The following LEMD3 variants were observed in gnomAD, a reference collection of about 807,000 sequenced individuals.
The protein encoded by LEMD3 is inner nuclear membrane protein Man1.
Under a neutral mutation model 95.2 loss-of-function variants are expected in LEMD3, and 33 were observed. The ratio of observed to expected loss-of-function variants is 0.35; its 90% CI spans 0.26 to 0.46. LEMD3 has a LOEUF of 0.46. Among genes scored for constraint, LEMD3 ranks in the 20% least tolerant of loss-of-function variants. The pLI, the probability that LEMD3 is intolerant of heterozygous loss-of-function variation, is 1.00. For missense variants in LEMD3, 1,210 were observed against 1,192.8 expected (o/e 1.01, Z -0.21); for synonymous variants, 525 against 474.6 (o/e 1.11, Z -1.38).
chr12:65,183,394 G>A (rs909735842), intron 1 of LEMD3, among the ~76,000 whole-genome samples: 1 of 152,134 alleles, frequency 6.6e-6, no homozygotes, highest in African/African-American at 2.4e-5. Context: ...GTTGGGTAGT[G>A]CAAGTCTGGA....
intron 1 of LEMD3, among the ~76,000 whole-genome samples, chr12:65,206,774 A>G (rs964236066): frequency 9.2e-5 from 14 of 152,286 alleles, no homozygotes; most frequent in African/African-American, 3.1e-4. Context: ...AGAGAAAATA[A>G]TGTATTTTCC....
intron 9 of LEMD3, 132 bp from the exon 10 acceptor site, chr12:65,243,256 C>T (rs1870988048): frequency 1.5e-6 from 1 of 678,366 alleles, no homozygotes; most frequent in Non-Finnish European, 2.7e-6. Context: ...TCTTACTCAC[C>T]TTAACATCTA....
At chr12:65,216,263 T>TAA (rs1319263097) in intron 3 of LEMD3, among the ~76,000 whole-genome samples, 3 of 151,770 alleles carry the variant, frequency 2.0e-5, no homozygotes, top group African/African-American at 4.8e-5. Flanking sequence ...TATATATATA[T>TAA]AATATAGTTA....
chr12:65,211,598 C>G (rs1229967468), intron 2 of LEMD3, among the ~76,000 whole-genome samples: 1 of 151,908 alleles, frequency 6.6e-6, no homozygotes, highest in Non-Finnish European at 1.5e-5. Flanking sequence ...GTTATATAGA[C>G]CTGTATAGAA....
At chr12:65,215,459 T>A (rs1417178315) in intron 2 of LEMD3, among the ~76,000 whole-genome samples, 1 of 152,210 alleles carries the variant, frequency 6.6e-6, no homozygotes, top group Non-Finnish European at 1.5e-5. Flanking sequence ...TCCTAGTAGA[T>A]GTTTATTTAA....
intron 1 of LEMD3, among the ~76,000 whole-genome samples, chr12:65,186,388 A>T (rs1341439721): frequency 2.6e-5 from 4 of 152,108 alleles, no homozygotes; most frequent in African/African-American, 9.6e-5. Context: ...GTTGAACTTA[A>T]TACAAAATAG....
At chr12:65,230,318 A>G (rs985974063) in intron 4 of LEMD3, among the ~76,000 whole-genome samples, 2 of 152,114 alleles carry the variant, frequency 1.3e-5, no homozygotes, top group Non-Finnish European at 2.9e-5. Context: ...GTTTTCTTCT[A>G]CTTATGTGAA....
At position 65,218,605 on chromosome 12, in the gene LEMD3, G is replaced by A; in HGVS notation, c.1681G>A (p.Ala561Thr). 6.2e-7 allele frequency: 1 copy of A among 1,600,920 alleles called. No homozygotes were observed. Reference sequence around the variant, plus strand: ...AAGAACGCTTTCTGTTCAAGAGGCAGCTGCGTATTTAAAAGTAAGCAATGA... The same window carrying A: ...AAGAACGCTTTCTGTTCAAGAGGCAACTGCGTATTTAAAAGTAAGCAATGA... Reference protein sequence around the residue: ...SQRTLSVQEAAAYLKDLGPEY... With the variant: ...SQRTLSVQEATAYLKDLGPEY... Residue 561 changes from alanine to threonine, a missense_variant, in exon 4 of 13, where the codon GCT (alanine) becomes ACT (threonine). Around this residue, in one of 2 missense-constraint regions of LEMD3, gnomAD observed 461 missense variants for 569.8 expected, o/e 0.81. Coordinates refer to ENST00000308330, the MANE Select transcript of LEMD3 (RefSeq NM_014319.5).
At chr12:65,173,200 A>G (rs1868610072) in intron 1 of LEMD3, among the ~76,000 whole-genome samples, 1 of 152,180 alleles carries the variant, frequency 6.6e-6, no homozygotes, top group African/African-American at 2.4e-5. Context: ...CTTTATTATG[A>G]TTAAGAAAGT....
intron 1 of LEMD3, among the ~76,000 whole-genome samples, chr12:65,181,651 G>A (rs1274643227): frequency 6.6e-6 from 1 of 152,106 alleles, no homozygotes; most frequent in African/African-American, 2.4e-5. Flanking sequence ...GAAGTAATGT[G>A]TGTTGATCAT....
At position 65,246,233 on chromosome 12, in the gene LEMD3, A is replaced by C; in HGVS notation, c.2644A>C (p.Asn882His). 6.2e-7 allele frequency: 1 copy of C among 1,613,146 alleles called. No homozygotes were observed. The change falls in exon 13 of 13, where the codon AAC becomes CAC. Residue 882 changes from asparagine (N) to histidine (H), a missense_variant. By Grantham distance (68) the Asn-to-His change is moderately conservative (BLOSUM62 1). This residue lies in a region of LEMD3 where 461 missense variants were observed against 569.8 expected (regional missense o/e 0.81). Transcript: ENST00000308330. ...TCGCTTTCCCCAGGCTCTCACTTCC[A>C]ACACTCCATTGAAGCCATCAAATAA... ...HHRFPQALTS[N>H]TPLKPSNKHM...
intron 9 of LEMD3, among the ~76,000 whole-genome samples, chr12:65,242,131 T>G (rs1411085331): frequency 1.3e-5 from 2 of 152,248 alleles, no homozygotes; most frequent in African/African-American, 4.8e-5. Flanking sequence ...AGAGAATTCC[T>G]TATTTTACTT....
intron 1 of LEMD3, among the ~76,000 whole-genome samples, chr12:65,194,361 T>C (rs1332069923): frequency 6.6e-6 from 1 of 152,172 alleles, no homozygotes; most frequent in African/African-American, 2.4e-5. Flanking sequence ...ACTGGAGTTT[T>C]ATTACTTCTC....
chr12:65,210,979 T>G lies in LEMD3; in HGVS notation c.1560+16T>G, dbSNP rs779358950. 6.5e-7 allele frequency: 1 copy of G among 1,537,534 alleles called. No individual in the cohort carries two copies. Among genetic ancestry groups the G allele is most frequent in the Admixed American group, 1.7e-5 (1 of 59,924 alleles). On this transcript the variant is annotated intron_variant, in intron 2 of 12. Transcript: ENST00000308330. ...AAAAATACAAGTAAGTAAACGATCA[T>G]AATACTGATAATTTTGTGTCATGTT...
intron 1 of LEMD3, among the ~76,000 whole-genome samples, chr12:65,173,694 ATAGT>A (rs779839011): frequency 1.3e-5 from 2 of 152,240 alleles, no homozygotes; most frequent in African/African-American, 2.4e-5. Context: ...AGAGAGATAA[ATAGT>A]TAAGACATTT....
At chr12:65,239,101 C>A (rs895421118) in intron 6 of LEMD3, among the ~76,000 whole-genome samples, 1 of 151,906 alleles carries the variant, frequency 6.6e-6, no homozygotes, top group Non-Finnish European at 1.5e-5. Context: ...TTGAAAAATA[C>A]AAAAATTGAG....
chr12:65,238,744 G>A lies in LEMD3; in HGVS notation c.1851G>A (p.Leu617=). Residue 617 remains leucine (L), a synonymous_variant, in exon 6 of 13, where the codon CTG becomes CTA. Transcript: ENST00000308330. ...DVQFLQSTRP[L]MSFWCRFRRA... is the part of the protein sequence containing the mutation. ...AGTTTTTACAGTCCACAAGACCACTGATGTCTTTTTGGTGTCGTTTTCGAC... is the reference window on the plus strand; with the variant it reads ...AGTTTTTACAGTCCACAAGACCACTAATGTCTTTTTGGTGTCGTTTTCGAC... The A allele has an allele frequency of 1.9e-6, 3 of 1,614,022 alleles. No individual in the cohort carries two copies. Among genetic ancestry groups the A allele is most frequent in the Non-Finnish European group, 2.5e-6 (3 of 1,179,936 alleles).
At position 65,238,669 on chromosome 12, in the gene LEMD3, G is replaced by T; in HGVS notation, c.1776G>T (p.Arg592Ser). 1 of 1,614,036 alleles carries T rather than the reference G, an allele frequency of 6.2e-7. No homozygotes were observed. The highest frequency in any genetic ancestry group is 8.5e-7 in the Non-Finnish European group (1 of 1,179,962). ...ILENGKDVGIRCVGFGPEEEL... is the reference protein window; with the variant it reads ...ILENGKDVGISCVGFGPEEEL... Reference sequence around the variant, plus strand: ...TTCTACCTTACTTATTTTTAAATAGGTGTGTTGGTTTTGGCCCTGAGGAAG... The same window carrying T: ...TTCTACCTTACTTATTTTTAAATAGTTGTGTTGGTTTTGGCCCTGAGGAAG... Residue 592 changes from arginine to serine, a missense_variant and splice_region_variant, in exon 6 of 13, where the codon AGG (arginine) becomes AGT (serine). Arg to Ser is a moderately radical substitution (Grantham distance 110, BLOSUM62 -1). Transcript: ENST00000308330.
At chr12:65,207,019 A>AG (rs35627257) in intron 1 of LEMD3, among the ~76,000 whole-genome samples, 8 of 152,262 alleles carry the variant, frequency 5.3e-5, no homozygotes, top group African/African-American at 1.9e-4. Context: ...GTTTACCTCA[A>AG]GGAAGCAACT....
Sources: allele counts gnomAD v4.1 joint callset (sites outside exome capture counted in the v4.1 genomes callset), GRCh38; gene constraint gnomAD v4.1.1; regional missense constraint gnomAD v4.1.1; transcripts MANE v1.5; gene names NCBI Gene and HGNC (gene_info 2026-07-23, HGNC 2026-07-21).